Variants in TLK2 observed in about 807,000 individuals in gnomAD.
TLK2 encodes tousled like kinase 2, also known as serine/threonine-protein kinase tousled-like 2.
In TLK2, 6 loss-of-function variants were observed where a neutral mutation model predicts 117.3. The observed-to-expected ratio is 0.05, with a 90% CI of 0.03 to 0.10. The LOEUF is 0.10. Ranked by LOEUF, TLK2 falls within the 10% of genes least tolerant of loss-of-function variation. The pLI, the probability that TLK2 is intolerant of heterozygous loss-of-function variation, is 1.00. For missense variants in TLK2, 299 were observed against 901.2 expected (o/e 0.33, Z 8.56); for synonymous variants, 257 against 316.7 (o/e 0.81, Z 2.00).
At chr17:62,475,641 G>C (rs944517213), upstream of TLK2, among the ~76,000 whole-genome samples, 1 of 149,502 alleles carries the variant, frequency 6.7e-6, no homozygotes, top group Non-Finnish European at 1.5e-5. Context: ...CACCGCGCCA[G>C]GCCCAATGAT....
At chr17:62,590,583 A>T (rs2082003792) in intron 16 of TLK2, among the ~76,000 whole-genome samples, 1 of 152,178 alleles carries the variant, frequency 6.6e-6, no homozygotes, top group African/African-American at 2.4e-5. Flanking sequence ...CGTGTAGGAG[A>T]TTATTTGGAC....
chr17:62,496,063 C>G (rs2073648638), intron 2 of TLK2, among the ~76,000 whole-genome samples: 1 of 152,130 alleles, frequency 6.6e-6, no homozygotes, highest in Non-Finnish European at 1.5e-5. Flanking sequence ...CTCCCTTATC[C>G]ACCTGGTTTC....
chr17:62,472,821 A>G (rs1251996140), intron 1 of TLK2, among the ~76,000 whole-genome samples: 3 of 152,092 alleles, frequency 2.0e-5, no homozygotes, highest in African/African-American at 7.2e-5. Flanking sequence ...AGATAGGGAA[A>G]GTACAACTCC....
At chr17:62,568,101 C>T (rs1344831336) in intron 11 of TLK2, among the ~76,000 whole-genome samples, 1 of 152,034 alleles carries the variant, frequency 6.6e-6, no homozygotes, top group Non-Finnish European at 1.5e-5. Flanking sequence ...AAATTCTTTA[C>T]TAAGATTTTG....
At chr17:62,589,218 C>G (rs2081891644) in intron 16 of TLK2, among the ~76,000 whole-genome samples, 1 of 152,068 alleles carries the variant, frequency 6.6e-6, no homozygotes, top group African/African-American at 2.4e-5. Flanking sequence ...AGTATTACGA[C>G]TGCTTTAACT....
At chr17:62,538,728 A>G (rs763152744) in intron 7 of TLK2, among the ~76,000 whole-genome samples, 2 of 152,248 alleles carry the variant, frequency 1.3e-5, no homozygotes, top group Non-Finnish European at 2.9e-5. Flanking sequence ...TCATGTATGA[A>G]GAAGGAACAT....
At chr17:62,505,515 A>G (rs2074609621) in intron 2 of TLK2, among the ~76,000 whole-genome samples, 2 of 147,252 alleles carry the variant, frequency 1.4e-5, no homozygotes, top group African/African-American at 5.0e-5. Flanking sequence ...AGACTCCCAA[A>G]CTGTTGGGAT....
intron 1 of TLK2, among the ~76,000 whole-genome samples, chr17:62,473,558 A>G (rs2070981638): frequency 6.6e-6 from 1 of 152,220 alleles, no homozygotes; most frequent in Non-Finnish European, 1.5e-5. Context: ...GTTGTTAGAC[A>G]TACAAATATC....
chr17:62,489,705 A>G (rs1254065048), intron 2 of TLK2, among the ~76,000 whole-genome samples: 2 of 152,190 alleles, frequency 1.3e-5, no homozygotes, highest in African/African-American at 4.8e-5. Context: ...CAGAGTTCCC[A>G]TATACTTCCT....
At chr17:62,501,982 A>G (rs2144994988) in intron 2 of TLK2, among the ~76,000 whole-genome samples, 2 of 147,944 alleles carry the variant, frequency 1.4e-5, no homozygotes, top group East Asian at 2.0e-4. Context: ...CCAGACCTAC[A>G]TGGCTTTGTT....
intron 6 of TLK2, among the ~76,000 whole-genome samples, chr17:62,532,231 T>TC (rs964626804): frequency 2.0e-5 from 3 of 152,208 alleles, no homozygotes; most frequent in African/African-American, 7.2e-5. Flanking sequence ...ATAGTTTTTT[T>TC]CCCCCCCCAG....
intron 2 of TLK2, among the ~76,000 whole-genome samples, chr17:62,489,457 C>T (rs1291143439): frequency 1.3e-5 from 2 of 152,246 alleles, no homozygotes; most frequent in East Asian, 1.9e-4. Context: ...GATCCGCCAG[C>T]CTTGGCCTCC....
intron 6 of TLK2, among the ~76,000 whole-genome samples, chr17:62,529,432 C>T (rs544771466): frequency 6.6e-6 from 1 of 152,152 alleles, no homozygotes; most frequent in South Asian, 2.1e-4. Flanking sequence ...TGGGTTTTCT[C>T]CATGTTGGCC....
chr17:62,496,445 T>C (rs899459643), intron 2 of TLK2, among the ~76,000 whole-genome samples: 5 of 152,184 alleles, frequency 3.3e-5, no homozygotes, highest in Non-Finnish European at 7.3e-5. Flanking sequence ...GGAATTGCTT[T>C]TTTCAAGGAT....
chr17:62,547,463 T>C (rs944108054), intron 7 of TLK2, among the ~76,000 whole-genome samples: 1 of 152,144 alleles, frequency 6.6e-6, no homozygotes, highest in Non-Finnish European at 1.5e-5. Context: ...TTACAGCATT[T>C]TTTTCTCTAA....
At chr17:62,537,401 G>T (rs566434320) in intron 7 of TLK2, among the ~76,000 whole-genome samples, 1 of 152,334 alleles carries the variant, frequency 6.6e-6, no homozygotes, top group South Asian at 2.1e-4. Flanking sequence ...ACATGGTTTC[G>T]TGATAGTGTT....
intron 15 of TLK2, chr17:62,585,851 AAG>A: frequency 4.0e-6 from 1 of 250,226 alleles, no homozygotes; most frequent in East Asian, 8.0e-5. Context: ...GGTGTCCAGA[AAG>A]AGAATGGTTG....
intron 15 of TLK2, among the ~76,000 whole-genome samples, chr17:62,584,290 G>A (rs1251295114): frequency 1.3e-5 from 2 of 151,442 alleles, no homozygotes; most frequent in Admixed American, 6.6e-5. Context: ...CTAATTTTTT[G>A]TATATTTTTT....
chr17:62,575,907 A>G (rs1285055453), intron 12 of TLK2, among the ~76,000 whole-genome samples: 3 of 151,906 alleles, frequency 2.0e-5, no homozygotes, highest in East Asian at 3.9e-4. Flanking sequence ...TTTGTTGCCC[A>G]GGCTGGTCTC....
Sources: gnomAD v4.1 joint callset for allele counts (sites outside exome capture counted in the v4.1 genomes callset) on GRCh38, gnomAD v4.1.1 for gene constraint, MANE v1.5 for transcripts, NCBI Gene and HGNC (gene_info 2026-07-23, HGNC 2026-07-21) for gene names.